Variants in TSPAN16 observed in about 807,000 individuals in gnomAD.
TSPAN16 encodes the protein tetraspanin-16.
A neutral mutation model predicts 25.2 loss-of-function variants in TSPAN16; 23 were observed. That is an observed-to-expected ratio of 0.91 (90% CI 0.66 to 1.29). The LOEUF is 1.29. Among genes scored for constraint, TSPAN16 ranks in the 50% most tolerant of loss-of-function variants. The probability of loss-of-function intolerance (pLI) is 0.00; values close to 1 mark genes in which losing one functional copy is unlikely to be tolerated. For synonymous variants in TSPAN16, 123 were observed against 124.4 expected, an observed-to-expected ratio of 0.99 and a Z score of 0.08; for missense variants, 272 against 299.9, an observed-to-expected ratio of 0.91 and a Z score of 0.69.
chr19:11,325,648 A>G, intron 6 of TSPAN16: 1 of 1,488,516 alleles, frequency 6.7e-7, no homozygotes, highest in African/African-American at 1.4e-5. Context: ...CAGCTGTGGC[A>G]TCACAGAAAC....
chr19:11,320,962 C>T (rs533446940), downstream of TSPAN16, among the ~76,000 whole-genome samples: 10 of 151,758 alleles, frequency 6.6e-5, no homozygotes, highest in South Asian at 1.2e-3. Context: ...TGAGGTCAGG[C>T]GTTCGAGACC....
At chr19:11,308,099 C>A (rs1377893095) in intron 5 of TSPAN16, 1 of 152,220 alleles carries the variant, frequency 6.6e-6, no homozygotes, top group African/African-American at 2.4e-5. Flanking sequence ...AGGTGGGGAA[C>A]TACTCTTCTC....
intron 4 of TSPAN16, among the ~76,000 whole-genome samples, chr19:11,301,987 C>G (rs322160): frequency 0.39 from 59,713 of 151,242 alleles, 13,105 homozygotes; most frequent in African/African-American, 0.61. Flanking sequence ...CCACACCTGG[C>G]TAATTTTTGT....
rs539748034 is a variant in TSPAN16 at position 11,306,940 on chromosome 19, C to A, written c.603+184C>A. On this transcript the variant is annotated intron_variant, in intron 5 of 6. Transcript: ENST00000590327. ...AAGTGATTCTCCCGCCCCAGCCTCC[C>A]AAGTAGCTGGGATCACAGGCATGCA... 1.2e-3 allele frequency: 642 copies of A among 542,810 alleles called. 3 individuals carry two copies. Among genetic ancestry groups the A allele is most frequent in the African/African-American group, 0.011 (595 of 52,234 alleles). The allele number at this position is 542,810 out of a possible 1,614,324, so 33.6% of individuals were successfully genotyped here. A position where few individuals can be genotyped will look rare whatever the true frequency, so the allele number is the denominator to read the frequency against.
downstream of TSPAN16, chr19:11,316,087 G>C (rs2080746007): frequency 6.9e-6 from 1 of 144,498 alleles, no homozygotes; most frequent in Admixed American, 1.5e-4. Context: ...ATTATTCTTG[G>C]TGTGTGTGTG....
chr19:11,315,262 TA>T (rs1476276817), intron 6 of TSPAN16, among the ~76,000 whole-genome samples: 176 of 117,088 alleles, frequency 1.5e-3, no homozygotes, highest in African/African-American at 7.3e-3. Context: ...ATAATAATAA[TA>T]ATAATAATAA....
At chr19:11,314,579 C>A (rs539760306) in intron 6 of TSPAN16, among the ~76,000 whole-genome samples, 2 of 152,170 alleles carry the variant, frequency 1.3e-5, no homozygotes, top group East Asian at 3.9e-4. Flanking sequence ...CTATACAACA[C>A]CTTCCTCCCC....
At chr19:11,319,202 G>T (rs1043233537), downstream of TSPAN16, among the ~76,000 whole-genome samples, 2 of 152,154 alleles carry the variant, frequency 1.3e-5, no homozygotes, top group African/African-American at 2.4e-5. Flanking sequence ...ACAAAGTCAG[G>T]GGGGGTTCTC....
chr19:11,303,060 C>T lies in TSPAN16; in HGVS notation c.450+1752C>T, dbSNP rs1277546299. Among the ~76,000 whole-genome samples the T allele has an allele frequency of 2.7e-5, 4 of 150,680 alleles. No individual in the cohort carries two copies. In the East Asian group the frequency reaches 7.7e-4, roughly 29 times the overall value. ...CACCACCCCGTCTGGGAGGTGTGCC[C>T]AACAGCTCATTGAGAACGGGCCAGG... On this transcript the variant is annotated intron_variant, in intron 4 of 6. Coordinates refer to ENST00000590327, the MANE Select transcript of TSPAN16 (RefSeq NM_001282509.2).
intron 5 of TSPAN16, among the ~76,000 whole-genome samples, chr19:11,307,490 C>T (rs1257648186): frequency 6.6e-6 from 1 of 151,670 alleles, no homozygotes; most frequent in Admixed American, 6.6e-5. Flanking sequence ...GCAATCACGG[C>T]TCACTGCAGC....
intron 6 of TSPAN16, among the ~76,000 whole-genome samples, chr19:11,314,222 G>A (rs2147955605): frequency 6.6e-6 from 1 of 152,276 alleles, no homozygotes; most frequent in African/African-American, 2.4e-5. Flanking sequence ...TAATAGGTAT[G>A]GCGTTTCTGT....
chr19:11,311,698 T>C (rs1437666763), intron 5 of TSPAN16, among the ~76,000 whole-genome samples: 1 of 152,056 alleles, frequency 6.6e-6, no homozygotes, highest in Non-Finnish European at 1.5e-5. Flanking sequence ...GCTGGGATTA[T>C]AGACATGAGC....
In TSPAN16 at chr19:11,315,074, A is replaced by G. The variant is rs564521985; in HGVS notation, c.688-717A>G. ...AACATGGTGAAACCCCATCTCTACT[A>G]AAAATACAAAAATTAGCCGGGCGTG... On this transcript the variant is annotated intron_variant, in intron 6 of 6. Coordinates refer to ENST00000590327, the MANE Select transcript of TSPAN16 (RefSeq NM_001282509.2). Among the ~76,000 whole-genome samples the G allele has an allele frequency of 5.2e-3, 793 of 151,310 alleles. 3 individuals carry two copies. Among genetic ancestry groups the G allele is most frequent in the Non-Finnish European group, 5.7e-3 (385 of 67,876 alleles).
downstream of TSPAN16, among the ~76,000 whole-genome samples, chr19:11,316,307 A>G (rs1489537577): frequency 6.6e-6 from 1 of 151,914 alleles, no homozygotes; most frequent in East Asian, 1.9e-4. Context: ...TTTAGTAGAG[A>G]TGGGGTTTCA....
chr19:11,296,716 C>T (rs2080482000), intron 1 of TSPAN16, among the ~76,000 whole-genome samples: 3 of 152,066 alleles, frequency 2.0e-5, no homozygotes, highest in Non-Finnish European at 4.4e-5. Flanking sequence ...TTTTCCTTAC[C>T]GTAAAAGTAA....
chr19:11,299,803 C>T (rs377372026), intron 3 of TSPAN16, among the ~76,000 whole-genome samples: 29 of 151,860 alleles, frequency 1.9e-4, no homozygotes, highest in African/African-American at 6.3e-4. Context: ...GGTAAAACCC[C>T]GTCTCTATTA....
intron 6 of TSPAN16, chr19:11,324,007 G>A (rs1462747754): frequency 6.6e-6 from 1 of 152,158 alleles, no homozygotes; most frequent in Non-Finnish European, 1.5e-5. Flanking sequence ...AGCCCCTGGA[G>A]GTGGGGACCC....
At chr19:11,316,119 T>TGTGG (rs1491440242), downstream of TSPAN16, 277 of 127,970 alleles carry the variant, frequency 2.2e-3, 2 homozygotes, top group Middle Eastern at 0.014. Context: ...GTGTGTGTGG[T>TGTGG]TTTTTTTTTT....
At chr19:11,321,574 G>C (rs970787831) in intron 6 of TSPAN16, among the ~76,000 whole-genome samples, 1 of 152,210 alleles carries the variant, frequency 6.6e-6, no homozygotes, top group African/African-American at 2.4e-5. Context: ...GAACATTCTG[G>C]GCAAAGGCCT....
Sources: gnomAD v4.1 joint callset for allele counts (sites outside exome capture counted in the v4.1 genomes callset) on GRCh38, gnomAD v4.1.1 for gene constraint, MANE v1.5 for transcripts, NCBI Gene and HGNC (gene_info 2026-07-23, HGNC 2026-07-21) for gene names.